The following NARS2 variants were observed in gnomAD, a reference collection of about 807,000 sequenced individuals.
NARS2 encodes asparaginyl-tRNA synthetase 2, mitochondrial.
NARS2 carries 60 observed loss-of-function variants against 62.9 expected under a neutral mutation model. That is an observed-to-expected ratio of 0.95 (90% CI 0.77 to 1.18). The LOEUF is 1.18. Ranked by LOEUF, NARS2 falls within the 50% of genes most tolerant of loss-of-function variation. NARS2 has a pLI of 0.00. For missense variants in NARS2, 619 were observed against 576.4 expected, an observed-to-expected ratio of 1.07 and a Z score of -0.76; for synonymous variants, 196 against 200.0, an observed-to-expected ratio of 0.98 and a Z score of 0.17.
intron 10 of NARS2, 42 bp downstream of exon 10, chr11:78,469,205 G>C (rs781422969): frequency 3.0e-6 from 4 of 1,315,804 alleles, no homozygotes; most frequent in Non-Finnish European, 4.4e-6. Context: ...CAAGAAGGAA[G>C]CATTTTCACA....
intron 7 of NARS2, 45 bp downstream of exon 7, chr11:78,493,018 T>C (rs761805097): frequency 8.2e-5 from 119 of 1,456,442 alleles, no homozygotes; most frequent in Non-Finnish European, 1.0e-4. Flanking sequence ...TACAGAAACA[T>C]TTTAATGTCA....
chr11:78,523,431 T>C lies in NARS2; in HGVS notation c.689+5411A>G, dbSNP rs1031252741. 1.1e-4 allele frequency among the ~76,000 whole-genome samples: 17 copies of C among 152,320 alleles called. No individual in the cohort carries two copies. In the East Asian group the frequency reaches 2.9e-3, roughly 26 times the overall value. ...TAGCAATTCCTCACACAGTTAAACATAGTTACTGCATGACCCATTAATTTC... is the reference window on the plus strand; with the variant it reads ...TAGCAATTCCTCACACAGTTAAACACAGTTACTGCATGACCCATTAATTTC... On this transcript the variant is annotated intron_variant, in intron 6 of 13. Transcript: ENST00000281038.
chr11:78,478,334 A>G (rs976915462), intron 9 of NARS2, 104 bp downstream of exon 9: 1 of 397,176 alleles, frequency 2.5e-6, no homozygotes, highest in African/African-American at 2.1e-5. Flanking sequence ...TATATCCTAT[A>G]TATATAGGAT....
At chr11:78,461,637 T>C (rs565228418) in intron 11 of NARS2, among the ~76,000 whole-genome samples, 1 of 121,954 alleles carries the variant, frequency 8.2e-6, no homozygotes, top group Non-Finnish European at 1.6e-5. Flanking sequence ...AAAAATTCAA[T>C]ACCCATCCTA....
intron 6 of NARS2, among the ~76,000 whole-genome samples, chr11:78,495,067 C>A (rs767660350): frequency 6.6e-6 from 1 of 152,196 alleles, no homozygotes; most frequent in Non-Finnish European, 1.5e-5. Context: ...AGCTTTTTAA[C>A]TGGTGTCTGG....
intron 5 of NARS2, chr11:78,558,638 C>T (rs1177584235): frequency 1.3e-5 from 2 of 152,116 alleles, no homozygotes; most frequent in East Asian, 3.9e-4. Context: ...GCAAGGCTTT[C>T]GACTGCCTCC....
intron 5 of NARS2, among the ~76,000 whole-genome samples, chr11:78,553,642 G>A (rs1194875614): frequency 2.0e-5 from 3 of 152,110 alleles, no homozygotes; most frequent in Non-Finnish European, 4.4e-5. Context: ...GTTCCTTATA[G>A]ATCCTGGATA....
Position 78,478,449 on chromosome 11 carries a change from G to T in NARS2, c.948C>A (p.Asn316Lys), listed in dbSNP as rs1555018045. The change falls in exon 9 of 14, where the codon AAC becomes AAA. Residue 316 changes from asparagine (N) to lysine (K), a missense_variant. Coordinates refer to ENST00000281038, the MANE Select transcript of NARS2 (RefSeq NM_024678.6). ...QKDRLEHMLK[N>K]NFLIISYTEA... Reference sequence around the variant, plus strand: ...TAACATCTACTTACATTAAAAAGTTGTTTTTTAGCATATGTTCTAATCTGT... The same window carrying T: ...TAACATCTACTTACATTAAAAAGTTTTTTTTTAGCATATGTTCTAATCTGT... The T allele has an allele frequency of 3.7e-6, 4 of 1,087,312 alleles. No individual in the cohort carries two copies. In the South Asian group the frequency reaches 7.1e-5, roughly 19 times the overall value. 67.4% of individuals were successfully genotyped at this position (1,087,312 alleles called of 1,614,324 possible).
intron 11 of NARS2, among the ~76,000 whole-genome samples, chr11:78,459,020 C>A (rs1239882368): frequency 6.6e-6 from 1 of 151,916 alleles, no homozygotes; most frequent in Non-Finnish European, 1.5e-5. Flanking sequence ...TGGGTTCAAG[C>A]AATTCTCCTG....
chr11:78,540,337 T>C (rs1855561996), intron 5 of NARS2, among the ~76,000 whole-genome samples: 1 of 152,160 alleles, frequency 6.6e-6, no homozygotes, highest in South Asian at 2.1e-4. Flanking sequence ...GCAGAACAAA[T>C]TTAGCTGAGC....
intron 4 of NARS2, among the ~76,000 whole-genome samples, chr11:78,560,521 T>C (rs971258187): frequency 1.3e-5 from 2 of 152,262 alleles, no homozygotes; most frequent in African/African-American, 4.8e-5. Context: ...GGATAGTACA[T>C]GCTTAATGCA....
At chr11:78,511,101 A>T (rs563062659) in intron 6 of NARS2, among the ~76,000 whole-genome samples, 4 of 152,258 alleles carry the variant, frequency 2.6e-5, no homozygotes, top group Admixed American at 2.6e-4. Context: ...TTTTTCAGAC[A>T]GGGTCTTATT....
intron 5 of NARS2, among the ~76,000 whole-genome samples, chr11:78,557,023 C>T (rs544910484): frequency 3.3e-5 from 5 of 152,210 alleles, no homozygotes; most frequent in East Asian, 1.9e-4. Flanking sequence ...CCGTTAATAA[C>T]GAACAAATGC....
chr11:78,514,475 C>T (rs891817329), intron 6 of NARS2, among the ~76,000 whole-genome samples: 4 of 152,162 alleles, frequency 2.6e-5, no homozygotes, highest in African/African-American at 7.2e-5. Context: ...ACTACAGTAA[C>T]CTGCACTTGC....
intron 11 of NARS2, among the ~76,000 whole-genome samples, chr11:78,461,351 C>G (rs964151907): frequency 9.2e-5 from 14 of 151,682 alleles, no homozygotes; most frequent in African/African-American, 3.4e-4. Flanking sequence ...AGAATAAATG[C>G]TGAGAAAGGA....
intron 1 of NARS2, chr11:78,571,689 C>G: frequency 2.6e-6 from 1 of 383,406 alleles, no homozygotes; most frequent in Non-Finnish European, 4.8e-6. Context: ...GCCTAACATT[C>G]CTTCATGTTG....
intron 6 of NARS2, among the ~76,000 whole-genome samples, chr11:78,527,028 A>G (rs571812310): frequency 1.3e-5 from 2 of 152,288 alleles, no homozygotes; most frequent in African/African-American, 4.8e-5. Flanking sequence ...TTAATATTGA[A>G]TTAAATAACC....
intron 5 of NARS2, among the ~76,000 whole-genome samples, chr11:78,529,209 G>C (rs1274312831): frequency 2.0e-5 from 3 of 152,144 alleles, no homozygotes; most frequent in Non-Finnish European, 2.9e-5. Flanking sequence ...CCCCTAAAAA[G>C]TGATTCTGAT....
intron 11 of NARS2, among the ~76,000 whole-genome samples, chr11:78,463,149 C>T (rs975986440): frequency 2.6e-5 from 4 of 152,134 alleles, no homozygotes; most frequent in African/African-American, 9.7e-5. Context: ...ACTGAAGCCT[C>T]GAGTTCCTAG....
Sources: allele counts gnomAD v4.1 joint callset (sites outside exome capture counted in the v4.1 genomes callset), GRCh38; gene constraint gnomAD v4.1.1; transcripts MANE v1.5; gene names NCBI Gene and HGNC (gene_info 2026-07-23, HGNC 2026-07-21).